The following DOCK3 variants were observed in gnomAD, a reference collection of about 807,000 sequenced individuals.
The protein encoded by DOCK3 is dedicator of cytokinesis protein 3.
A neutral mutation model predicts 265.6 loss-of-function variants in DOCK3; 60 were observed. The observed-to-expected ratio is 0.23, with a 90% CI of 0.18 to 0.28. DOCK3 has a LOEUF of 0.28. Ranked by LOEUF, DOCK3 falls within the 10% of genes least tolerant of loss-of-function variation. The pLI, the probability that DOCK3 is intolerant of heterozygous loss-of-function variation, is 1.00. For synonymous variants in DOCK3, 881 were observed against 938.0 expected, an observed-to-expected ratio of 0.94 and a Z score of 1.11; for missense variants, 1,981 against 2,594.3, an observed-to-expected ratio of 0.76 and a Z score of 5.14.
intron 12 of DOCK3, among the ~76,000 whole-genome samples, chr3:51,205,795 T>G (rs1268643539): frequency 6.6e-6 from 1 of 152,224 alleles, no homozygotes; most frequent in Non-Finnish European, 1.5e-5. Flanking sequence ...AAAGGAAGCA[T>G]TGGTAATTGA....
chr3:50,994,087 G>C (rs2078200136), intron 5 of DOCK3, among the ~76,000 whole-genome samples: 1 of 152,166 alleles, frequency 6.6e-6, no homozygotes. Flanking sequence ...ATTGATATTG[G>C]ACTGAGTGGC....
At chr3:51,075,747 A>G (rs1397549242) in intron 7 of DOCK3, among the ~76,000 whole-genome samples, 2 of 152,194 alleles carry the variant, frequency 1.3e-5, no homozygotes, top group Non-Finnish European at 2.9e-5. Flanking sequence ...TCACCTCTTT[A>G]AAAGAGAAAG....
intron 2 of DOCK3, among the ~76,000 whole-genome samples, chr3:50,796,002 C>G (rs1367860065): frequency 6.6e-6 from 1 of 151,498 alleles, no homozygotes; most frequent in African/African-American, 2.4e-5. Flanking sequence ...TTTTAGCCAT[C>G]TGAGCGCCAT....
intron 1 of DOCK3, among the ~76,000 whole-genome samples, chr3:50,769,974 A>G (rs2041177930): frequency 6.6e-6 from 1 of 152,174 alleles, no homozygotes; most frequent in African/African-American, 2.4e-5. Flanking sequence ...TATTAAAACT[A>G]AGAAATGAGA....
At chr3:51,252,345 G>A (rs1469969257) in intron 22 of DOCK3, among the ~76,000 whole-genome samples, 1 of 152,210 alleles carries the variant, frequency 6.6e-6, no homozygotes, top group Non-Finnish European at 1.5e-5. Flanking sequence ...GGCAATGCAG[G>A]CTCTTTCTTG....
At chr3:51,105,190 A>G (rs1165858801) in intron 9 of DOCK3, among the ~76,000 whole-genome samples, 2 of 152,052 alleles carry the variant, frequency 1.3e-5, no homozygotes, top group African/African-American at 2.4e-5. Context: ...TTCTGTGCCA[A>G]CTAAGGGTCT....
chr3:51,277,785 T>G, intron 26 of DOCK3, 31 bp downstream of exon 26: 3 of 1,596,124 alleles, frequency 1.9e-6, no homozygotes, highest in Non-Finnish European at 2.6e-6. Context: ...TTTTCTTGCC[T>G]TCTTTTCTAA....
intron 2 of DOCK3, among the ~76,000 whole-genome samples, chr3:50,820,855 A>G (rs1483143053): frequency 2.8e-5 from 4 of 141,208 alleles, no homozygotes; most frequent in Non-Finnish European, 6.1e-5. Flanking sequence ...AGCTTTTAAT[A>G]ATAGCCATTC....
At chr3:51,282,949 G>A (rs970285839) in intron 27 of DOCK3, among the ~76,000 whole-genome samples, 7 of 152,092 alleles carry the variant, frequency 4.6e-5, no homozygotes, top group African/African-American at 1.7e-4. Flanking sequence ...CAAAATACTA[G>A]CAAACTGAAT....
At chr3:51,213,566 CAA>C (rs2089625931) in intron 13 of DOCK3, among the ~76,000 whole-genome samples, 1 of 152,204 alleles carries the variant, frequency 6.6e-6, no homozygotes, top group African/African-American at 2.4e-5. Flanking sequence ...GTTAGTCCCA[CAA>C]AAGCGCCCTC....
At chr3:51,224,459 A>G (rs1269039524) in intron 14 of DOCK3, among the ~76,000 whole-genome samples, 1 of 152,196 alleles carries the variant, frequency 6.6e-6, no homozygotes, top group Non-Finnish European at 1.5e-5. Context: ...GAGCATTGTC[A>G]TTTATCTCTG....
chr3:51,251,343 C>G (rs1014279982), intron 22 of DOCK3, among the ~76,000 whole-genome samples: 1 of 152,168 alleles, frequency 6.6e-6, no homozygotes, highest in African/African-American at 2.4e-5. Context: ...GTGCATGTGT[C>G]TTTATAGCAG....
At chr3:50,963,949 C>T (rs754666081) in intron 5 of DOCK3, among the ~76,000 whole-genome samples, 2 of 152,186 alleles carry the variant, frequency 1.3e-5, no homozygotes, top group African/African-American at 2.4e-5. Flanking sequence ...GCAGTGTGCT[C>T]ATCAGGCATC....
chr3:50,884,686 C>T (rs577880153), intron 3 of DOCK3, among the ~76,000 whole-genome samples: 1 of 151,652 alleles, frequency 6.6e-6, no homozygotes, highest in African/African-American at 2.4e-5. Context: ...ACGTTTATGT[C>T]TTTTTCCAAA....
chr3:50,728,728 AT>A (rs10630436), intron 1 of DOCK3, among the ~76,000 whole-genome samples: 4 of 147,508 alleles, frequency 2.7e-5, no homozygotes. Flanking sequence ...AATAAATAGA[AT>A]TTTTTTTTTT....
At chr3:51,332,129 G>T (rs914050862) in intron 33 of DOCK3, among the ~76,000 whole-genome samples, 1 of 152,190 alleles carries the variant, frequency 6.6e-6, no homozygotes, top group Non-Finnish European at 1.5e-5. Flanking sequence ...TGAGTCCCCA[G>T]TGCTAGACCC....
At chr3:51,203,399 A>G (rs576238515) in intron 12 of DOCK3, among the ~76,000 whole-genome samples, 2,151 of 152,258 alleles carry the variant, frequency 0.014, 59 homozygotes, top group African/African-American at 0.047. Context: ...AATCATGAGT[A>G]AACTCCCATT....
At chr3:50,849,622 A>G (rs1335271785) in intron 3 of DOCK3, among the ~76,000 whole-genome samples, 3 of 152,142 alleles carry the variant, frequency 2.0e-5, no homozygotes, top group Admixed American at 1.3e-4. Context: ...CCTGGGATAC[A>G]GTAATTAAAC....
chr3:51,342,703 A>G (rs1183874238), intron 38 of DOCK3, among the ~76,000 whole-genome samples: 1 of 152,224 alleles, frequency 6.6e-6, no homozygotes, highest in Non-Finnish European at 1.5e-5. Flanking sequence ...TCCCCTATTC[A>G]TCCCACATTA....
Sources: gnomAD v4.1 joint callset for allele counts (sites outside exome capture counted in the v4.1 genomes callset) on GRCh38, gnomAD v4.1.1 for gene constraint, MANE v1.5 for transcripts, NCBI Gene and HGNC (gene_info 2026-07-23, HGNC 2026-07-21) for gene names.